RGS8: variants seen among roughly 807,000 people sequenced by gnomAD.
The protein encoded by RGS8 is regulator of G-protein signaling 8.
RGS8 carries 8 observed loss-of-function variants against 21.7 expected under a neutral mutation model. That is an observed-to-expected ratio of 0.37 (90% CI 0.22 to 0.66). RGS8 has a LOEUF of 0.66. Among genes scored for constraint, RGS8 ranks in the 30% least tolerant of loss-of-function variants. The pLI, the probability that RGS8 is intolerant of heterozygous loss-of-function variation, is 0.59. For missense variants in RGS8, 157 were observed against 217.9 expected, an observed-to-expected ratio of 0.72 and a Z score of 1.76; for synonymous variants, 80 against 83.6, an observed-to-expected ratio of 0.96 and a Z score of 0.24.
intron 6 of RGS8, among the ~76,000 whole-genome samples, chr1:182,647,424 CT>C (rs1219975777): frequency 6.6e-6 from 1 of 152,210 alleles, no homozygotes; most frequent in Non-Finnish European, 1.5e-5. Context: ...TCCTAGCCAA[CT>C]GGTAAAGACT....
chr1:182,654,474 A>G (rs1203600344), intron 5 of RGS8, among the ~76,000 whole-genome samples: 2 of 152,224 alleles, frequency 1.3e-5, no homozygotes, highest in East Asian at 3.8e-4. Flanking sequence ...ATTTGGGATA[A>G]GGTCACTGTG....
chr1:182,740,598 G>A, the RGS8 span, among the ~76,000 whole-genome samples: 2 of 121,604 alleles, frequency 1.6e-5, no homozygotes, highest in South Asian at 2.9e-4. Flanking sequence ...GGTGTTTCTC[G>A]CAGAGGGGGA....
At chr1:182,701,499 T>C in the RGS8 span, among the ~76,000 whole-genome samples, 1 of 152,206 alleles carries the variant, frequency 6.6e-6, no homozygotes, top group African/African-American at 2.4e-5. Flanking sequence ...ATGTAACTTT[T>C]TGTCCCTTAA....
At chr1:182,669,729 A>C (rs1012949546) in exon 3 of RGS8, 44 of 1,607,628 alleles carry the variant, frequency 2.7e-5, no homozygotes, top group Non-Finnish European at 3.7e-5. Context: ...GGGCTCAGGA[A>C]TTTACCCTTG....
the RGS8 span, among the ~76,000 whole-genome samples, chr1:182,722,676 T>C: frequency 6.6e-6 from 1 of 152,106 alleles, no homozygotes; most frequent in Non-Finnish European, 1.5e-5. Context: ...GTCCTCTCTG[T>C]TTATAAAGAT....
At chr1:182,676,455 A>G (rs988273894), upstream of RGS8, among the ~76,000 whole-genome samples, 4 of 152,224 alleles carry the variant, frequency 2.6e-5, no homozygotes, top group Non-Finnish European at 5.9e-5. Context: ...CAGTAGAAAC[A>G]TGAATCAACA....
At chr1:182,657,628 G>A (rs901669974) in intron 5 of RGS8, among the ~76,000 whole-genome samples, 1 of 152,040 alleles carries the variant, frequency 6.6e-6, no homozygotes, top group African/African-American at 2.4e-5. Flanking sequence ...CTGGGATTCT[G>A]TCATGGCTCT....
At chr1:182,717,540 T>TA in the RGS8 span, among the ~76,000 whole-genome samples, 4 of 152,216 alleles carry the variant, frequency 2.6e-5, no homozygotes, top group Non-Finnish European at 5.9e-5. Flanking sequence ...GGAAAGGACT[T>TA]ACCTGCAATT....
At chr1:182,660,271 T>A (rs1043145684) in intron 5 of RGS8, among the ~76,000 whole-genome samples, 1 of 152,224 alleles carries the variant, frequency 6.6e-6, no homozygotes, top group Non-Finnish European at 1.5e-5. Flanking sequence ...TTAAGTAATC[T>A]GAATACAGTC....
At chr1:182,671,693 C>T (rs1457141604) in exon 2 of RGS8, 1 of 1,614,022 alleles carries the variant, frequency 6.2e-7, no homozygotes, top group Non-Finnish European at 8.5e-7. Context: ...AGGGTCTTTG[C>T]CAACTGGATG....
chr1:182,683,586 T>A (rs890553516), intron 1 of RGS8, among the ~76,000 whole-genome samples: 2 of 148,440 alleles, frequency 1.3e-5, no homozygotes, highest in Non-Finnish European at 3.0e-5. Context: ...TGAGTCACCA[T>A]TCTATCACAG....
At chr1:182,651,556 C>A (rs775073728) in intron 5 of RGS8, among the ~76,000 whole-genome samples, 7 of 152,164 alleles carry the variant, frequency 4.6e-5, no homozygotes, top group Admixed American at 2.6e-4. Flanking sequence ...ACTTTCACAC[C>A]ACCCTAAAGT....
At chr1:182,652,789 G>C (rs779287850) in intron 5 of RGS8, among the ~76,000 whole-genome samples, 37 of 152,206 alleles carry the variant, frequency 2.4e-4, no homozygotes, top group Non-Finnish European at 3.7e-4. Flanking sequence ...GCCTTTGCCG[G>C]CCCTGAGGAG....
At chr1:182,698,115 C>T in the RGS8 span, among the ~76,000 whole-genome samples, 6 of 152,176 alleles carry the variant, frequency 3.9e-5, no homozygotes, top group African/African-American at 1.4e-4. Context: ...CCTGTTTCTC[C>T]CTTCCCCTGC....
chr1:182,682,938 C>T (rs183061617), intron 1 of RGS8, among the ~76,000 whole-genome samples: 212 of 152,300 alleles, frequency 1.4e-3, no homozygotes, highest in East Asian at 5.8e-4. Context: ...CACTGACCCA[C>T]GGGAGAAAGA....
At chr1:182,685,840 G>A (rs1388475163), upstream of RGS8, among the ~76,000 whole-genome samples, 1 of 152,170 alleles carries the variant, frequency 6.6e-6, no homozygotes, top group Non-Finnish European at 1.5e-5. Context: ...AACCTAGTAT[G>A]TGCTGTGGGG....
the RGS8 span, among the ~76,000 whole-genome samples, chr1:182,697,119 A>G: frequency 6.6e-6 from 1 of 152,260 alleles, no homozygotes; most frequent in Non-Finnish European, 1.5e-5. Flanking sequence ...AACCCAAGCC[A>G]TAAAGCCAGC....
At chr1:182,690,330 C>T in the RGS8 span, among the ~76,000 whole-genome samples, 1 of 152,212 alleles carries the variant, frequency 6.6e-6, no homozygotes, top group Non-Finnish European at 1.5e-5. Flanking sequence ...GTCTGTGTCA[C>T]CTGGCTAGAC....
At chr1:182,670,492 A>C (rs1293898820) in intron 2 of RGS8, among the ~76,000 whole-genome samples, 4 of 152,188 alleles carry the variant, frequency 2.6e-5, no homozygotes, top group Admixed American at 1.3e-4. Flanking sequence ...TCCCATTCTC[A>C]GTGCTTCAAA....
Sources: gnomAD v4.1 joint callset for allele counts (sites outside exome capture counted in the v4.1 genomes callset) on GRCh38, gnomAD v4.1.1 for gene constraint, MANE v1.5 for transcripts, NCBI Gene and HGNC (gene_info 2026-07-23, HGNC 2026-07-21) for gene names.